Variants in RAVER2 observed in about 807,000 individuals in gnomAD.
RAVER2 encodes ribonucleoprotein, PTB binding 2, also known as ribonucleoprotein PTB-binding 2.
A neutral mutation model predicts 78.1 loss-of-function variants in RAVER2; 46 were observed. The observed-to-expected ratio is 0.59, with a 90% CI of 0.46 to 0.75. The LOEUF (loss-of-function observed/expected upper bound fraction) is 0.75. Ranked by LOEUF, RAVER2 falls within the 30% of genes least tolerant of loss-of-function variation. The pLI is 0.00. For missense variants in RAVER2, 793 were observed against 837.5 expected (o/e 0.95, Z 0.66); for synonymous variants, 311 against 313.3 (o/e 0.99, Z 0.08).
At chr1:64,785,130 A>G (rs1652742584) in intron 4 of RAVER2, among the ~76,000 whole-genome samples, 1 of 152,208 alleles carries the variant, frequency 6.6e-6, no homozygotes, top group African/African-American at 2.4e-5. Flanking sequence ...AGTGACAGTG[A>G]GAAATCTCAG....
intron 4 of RAVER2, among the ~76,000 whole-genome samples, chr1:64,785,286 G>T (rs779963338): frequency 4.0e-5 from 6 of 151,366 alleles, no homozygotes; most frequent in African/African-American, 7.3e-5. Context: ...AGATAATCAT[G>T]ATTTCTCCTT....
chr1:64,830,769 C>G, intron 11 of RAVER2, 70 bp from the exon 12 acceptor site: 1 of 1,373,584 alleles, frequency 7.3e-7, no homozygotes, highest in Non-Finnish European at 1.0e-6. Context: ...GAATGCTTTT[C>G]TTATAAATAT....
At chr1:64,815,977 A>G (rs1273216731) in intron 11 of RAVER2, 1 of 152,212 alleles carries the variant, frequency 6.6e-6, no homozygotes, top group Non-Finnish European at 1.5e-5. Flanking sequence ...TAACATTTGA[A>G]GTAATGACTT....
intron 10 of RAVER2, among the ~76,000 whole-genome samples, chr1:64,813,937 T>A (rs1653691936): frequency 1.3e-5 from 2 of 152,058 alleles, no homozygotes; most frequent in South Asian, 2.1e-4. Flanking sequence ...AGGGTTTTGC[T>A]TTTTTGAGAC....
intron 11 of RAVER2, among the ~76,000 whole-genome samples, chr1:64,822,314 A>G (rs895490966): frequency 1.3e-5 from 2 of 152,218 alleles, no homozygotes; most frequent in Non-Finnish European, 2.9e-5. Flanking sequence ...CGAGAACAAC[A>G]TCTCATCACT....
exon 12 of RAVER2, chr1:64,831,829 CTT>C (rs1189071494): frequency 1.3e-5 from 2 of 152,144 alleles, no homozygotes; most frequent in Admixed American, 6.5e-5. Flanking sequence ...CATAAATAAA[CTT>C]TTATTGGGAC....
chr1:64,766,964 A>G, intron 1 of RAVER2, among the ~76,000 whole-genome samples: 1 of 152,180 alleles, frequency 6.6e-6, no homozygotes, highest in East Asian at 1.9e-4. Context: ...ATGTAAACTA[A>G]TCTTTATAAT....
chr1:64,761,321 C>T (rs556102772), intron 1 of RAVER2, among the ~76,000 whole-genome samples: 4 of 152,254 alleles, frequency 2.6e-5, no homozygotes, highest in East Asian at 3.9e-4. Context: ...GATAGGACTG[C>T]GTTGGGCCCC....
intron 1 of RAVER2, among the ~76,000 whole-genome samples, chr1:64,760,612 A>G (rs1245855050): frequency 6.6e-6 from 1 of 152,188 alleles, no homozygotes; most frequent in African/African-American, 2.4e-5. Context: ...ATTTAGCATT[A>G]CTAGATGATT....
At chr1:64,755,737 T>TTG (rs1651838290) in intron 1 of RAVER2, among the ~76,000 whole-genome samples, 2 of 143,020 alleles carry the variant, frequency 1.4e-5, no homozygotes, top group African/African-American at 5.2e-5. Context: ...TTTTTTTTTT[T>TTG]TTTTTTTTTT....
At chr1:64,812,072 G>A (rs186172171) in intron 9 of RAVER2, among the ~76,000 whole-genome samples, 400 of 152,096 alleles carry the variant, frequency 2.6e-3, no homozygotes, top group African/African-American at 9.0e-3. Context: ...CAGGCCAGGC[G>A]CGGTGGGTCA....
intron 1 of RAVER2, among the ~76,000 whole-genome samples, chr1:64,766,339 GC>G (rs1652173996): frequency 6.6e-6 from 1 of 152,032 alleles, no homozygotes; most frequent in South Asian, 2.1e-4. Context: ...AATTATTTTG[GC>G]AAATGGTTAT....
chr1:64,779,577 T>C (rs1652573754), intron 3 of RAVER2, among the ~76,000 whole-genome samples: 1 of 151,448 alleles, frequency 6.6e-6, no homozygotes, highest in South Asian at 2.1e-4. Flanking sequence ...TGGGTCCTGC[T>C]ATATTGCCAG....
intron 1 of RAVER2, among the ~76,000 whole-genome samples, chr1:64,762,418 A>C (rs1370676151): frequency 6.6e-6 from 1 of 151,958 alleles, no homozygotes; most frequent in Non-Finnish European, 1.5e-5. Flanking sequence ...AACTGATTCT[A>C]AAATTTGTAC....
chr1:64,766,727 G>A (rs1465511309), intron 1 of RAVER2, among the ~76,000 whole-genome samples: 2 of 151,942 alleles, frequency 1.3e-5, no homozygotes, highest in African/African-American at 4.8e-5. Context: ...TTTGATGGCT[G>A]TTAACCAGTG....
chr1:64,796,258 A>G (rs927808589), intron 5 of RAVER2, among the ~76,000 whole-genome samples: 2 of 151,844 alleles, frequency 1.3e-5, no homozygotes, highest in Non-Finnish European at 2.9e-5. Flanking sequence ...TTCCCTTGTA[A>G]TATATTTTCT....
intron 4 of RAVER2, among the ~76,000 whole-genome samples, chr1:64,787,371 G>T (rs1012972258): frequency 6.6e-6 from 1 of 152,172 alleles, no homozygotes; most frequent in Non-Finnish European, 1.5e-5. Flanking sequence ...GCTAAAGCCT[G>T]GTCTTAGCTA....
In RAVER2 at chr1:64,768,768, G is replaced by A. The variant is rs184313658; in HGVS notation, c.316+46G>A. On this transcript the variant is annotated intron_variant, in intron 2 of 11. Coordinates refer to ENST00000294428, the Ensembl canonical transcript of RAVER2. ...GTCTAATTTCATTTTGATTCTCCCT[G>A]TACTCGTTATAGAACAAAAAAGCTC... The A allele has an allele frequency of 3.7e-5, 45 of 1,216,190 alleles. No homozygotes were observed. The Admixed American group carries it at 7.2e-4, about 20-fold the overall frequency. The allele number at this position is 1,216,190 out of a possible 1,614,324, so 75.3% of individuals were successfully genotyped here.
intron 1 of RAVER2, among the ~76,000 whole-genome samples, chr1:64,759,684 T>A (rs1485681553): frequency 6.6e-6 from 1 of 151,444 alleles, no homozygotes; most frequent in Admixed American, 6.6e-5. Context: ...GCCCGGCTAA[T>A]GTTTTATATT....
Sources: allele counts gnomAD v4.1 joint callset (sites outside exome capture counted in the v4.1 genomes callset), GRCh38; gene constraint gnomAD v4.1.1; transcripts MANE v1.5; gene names NCBI Gene and HGNC (gene_info 2026-07-23, HGNC 2026-07-21).